MYRIP: variants seen among roughly 807,000 people sequenced by gnomAD.
MYRIP encodes myosin VIIA and Rab interacting protein.
A neutral mutation model predicts 98.0 loss-of-function variants in MYRIP; 49 were observed. That is an observed-to-expected ratio of 0.50 (90% CI 0.40 to 0.63). The LOEUF (loss-of-function observed/expected upper bound fraction) is 0.63. Among genes scored for constraint, MYRIP ranks in the 30% least tolerant of loss-of-function variants. The pLI is 0.00. For synonymous variants in MYRIP, 404 were observed against 409.5 expected (o/e 0.99, Z 0.16); for missense variants, 1,004 against 1,058.2 (o/e 0.95, Z 0.71).
chr3:40,051,332 A>G (rs1947790691), intron 3 of MYRIP, among the ~76,000 whole-genome samples: 1 of 152,124 alleles, frequency 6.6e-6, no homozygotes, highest in South Asian at 2.1e-4. Context: ...CAACAAACAG[A>G]TTACAACTTA....
intron 1 of MYRIP, among the ~76,000 whole-genome samples, chr3:39,843,692 C>T (rs748284216): frequency 2.0e-5 from 3 of 152,082 alleles, no homozygotes; most frequent in South Asian, 2.1e-4. Context: ...CAAACAGGAG[C>T]GTTACAGGCA....
chr3:39,895,934 T>TGTGCGC (rs1430063432), intron 1 of MYRIP, among the ~76,000 whole-genome samples: 1 of 151,984 alleles, frequency 6.6e-6, no homozygotes, highest in Admixed American at 6.6e-5. Context: ...TGTGTGTGTG[T>TGTGCGC]GTGCGCGTGC....
At chr3:39,941,862 A>G (rs1323041496) in intron 2 of MYRIP, among the ~76,000 whole-genome samples, 1 of 152,106 alleles carries the variant, frequency 6.6e-6, no homozygotes, top group African/African-American at 2.4e-5. Context: ...CTAAAAGTAG[A>G]ATTACTAGCT....
chr3:39,873,147 T>C (rs556153638), intron 1 of MYRIP, among the ~76,000 whole-genome samples: 19 of 152,340 alleles, frequency 1.2e-4, no homozygotes, highest in Admixed American at 4.6e-4. Context: ...TTTTGAGAAG[T>C]GTCTGTTCAT....
At chr3:39,983,602 G>A (rs1161539493) in intron 2 of MYRIP, among the ~76,000 whole-genome samples, 1 of 152,126 alleles carries the variant, frequency 6.6e-6, no homozygotes, top group Non-Finnish European at 1.5e-5. Context: ...GAGGGCTGGG[G>A]GTACAGCGGT....
chr3:40,243,860 T>C (rs12629111), intron 12 of MYRIP, among the ~76,000 whole-genome samples: 62,340 of 152,096 alleles, frequency 0.41, 13,013 homozygotes, highest in East Asian at 0.68. Flanking sequence ...AATTGACAGA[T>C]AAATAGATAC....
At position 40,244,422 on chromosome 3, in the gene MYRIP, T is replaced by C. The variant is rs777957920; in HGVS notation, c.2101-24T>C. 6 of 1,585,586 alleles carry C rather than the reference T, an allele frequency of 3.8e-6. No homozygotes were observed. The East Asian group carries it at 1.4e-4, about 36-fold the overall frequency. Reference sequence around the variant, plus strand: ...CAGTCCCAAGTCTGCAGACATGAACTCAAATGTAGCACTGTCTCTACAGGT... The same window carrying C: ...CAGTCCCAAGTCTGCAGACATGAACCCAAATGTAGCACTGTCTCTACAGGT... On this transcript the variant is annotated intron_variant, in intron 12 of 16. Transcript: ENST00000302541.
At chr3:40,079,770 C>T (rs557421102) in intron 3 of MYRIP, among the ~76,000 whole-genome samples, 3 of 152,306 alleles carry the variant, frequency 2.0e-5, no homozygotes, top group East Asian at 3.9e-4. Context: ...GCCAAGGGAG[C>T]TGGAAGTATA....
intron 1 of MYRIP, among the ~76,000 whole-genome samples, chr3:39,882,375 G>A (rs1943176612): frequency 1.3e-5 from 2 of 152,136 alleles, no homozygotes; most frequent in Admixed American, 1.3e-4. Flanking sequence ...TGCATGTCCA[G>A]CTGGACACAA....
intron 2 of MYRIP, among the ~76,000 whole-genome samples, chr3:39,951,546 A>G (rs78309271): frequency 0.015 from 2,335 of 152,302 alleles, 46 homozygotes; most frequent in East Asian, 0.096. Context: ...AAAAGCAGCC[A>G]TAGGTCTTAG....
At chr3:40,024,406 G>C (rs1424584168) in intron 2 of MYRIP, among the ~76,000 whole-genome samples, 1 of 152,126 alleles carries the variant, frequency 6.6e-6, no homozygotes, top group Non-Finnish European at 1.5e-5. Context: ...TGATTGGGTG[G>C]TGGGAGGTGC....
intron 1 of MYRIP, among the ~76,000 whole-genome samples, chr3:39,851,997 C>T (rs1942142354): frequency 6.6e-6 from 1 of 152,042 alleles, no homozygotes; most frequent in Admixed American, 6.6e-5. Context: ...GCTAGAGTGC[C>T]CCTGCAGCCA....
chr3:40,213,853 G>A (rs1234632210), intron 11 of MYRIP, among the ~76,000 whole-genome samples: 1 of 152,214 alleles, frequency 6.6e-6, no homozygotes, highest in African/African-American at 2.4e-5. Flanking sequence ...GCACTAACTA[G>A]TGACTGATGG....
intron 3 of MYRIP, among the ~76,000 whole-genome samples, chr3:40,137,685 C>T (rs545517772): frequency 2.0e-5 from 3 of 152,256 alleles, no homozygotes; most frequent in East Asian, 1.9e-4. Flanking sequence ...GCTTATCCAC[C>T]GTGAACACCA....
rs183567716 is a variant in MYRIP, at chr3:39,855,796, G to C, written c.-30-44991G>C. On this transcript the variant is annotated intron_variant, in intron 1 of 16. Coordinates refer to ENST00000302541, the MANE Select transcript of MYRIP (RefSeq NM_015460.4). The stretch of plus-strand genomic sequence containing the variant: ...TCTTCTCACTCTGTTGGCAGCTCCT[G>C]CACTCCTGCACTTGTGTCTGCAGCA... Among the ~76,000 whole-genome samples, 32 of 152,212 alleles carry C rather than the reference G, an allele frequency of 2.1e-4. No individual in the cohort carries two copies. In the East Asian group the frequency reaches 5.2e-3, roughly 25 times the overall value.
chr3:39,829,926 C>T (rs1941390739), intron 1 of MYRIP, among the ~76,000 whole-genome samples: 1 of 152,116 alleles, frequency 6.6e-6, no homozygotes, highest in African/African-American at 2.4e-5. Flanking sequence ...ACCTTTTCTG[C>T]TCAAATTATC....
At chr3:39,873,880 G>A (rs1323020139) in intron 1 of MYRIP, among the ~76,000 whole-genome samples, 1 of 152,000 alleles carries the variant, frequency 6.6e-6, no homozygotes, top group Non-Finnish European at 1.5e-5. Flanking sequence ...GTGAAGAAAG[G>A]CATTGGTAGC....
intron 2 of MYRIP, among the ~76,000 whole-genome samples, chr3:39,987,140 A>C (rs988598360): frequency 6.6e-6 from 1 of 151,892 alleles, no homozygotes; most frequent in Admixed American, 6.6e-5. Context: ...TATTTGTCCT[A>C]ATGCTCTCCC....
chr3:40,246,576 G>T (rs569287065), intron 13 of MYRIP, among the ~76,000 whole-genome samples: 20 of 152,182 alleles, frequency 1.3e-4, no homozygotes, highest in African/African-American at 4.6e-4. Flanking sequence ...CATTGTGAGG[G>T]TGACGGAAGC....
Sources: allele counts gnomAD v4.1 joint callset (sites outside exome capture counted in the v4.1 genomes callset), GRCh38; gene constraint gnomAD v4.1.1; transcripts MANE v1.5; gene names NCBI Gene and HGNC (gene_info 2026-07-23, HGNC 2026-07-21).